RGMA: variants seen among roughly 807,000 people sequenced by gnomAD.
RGMA encodes repulsive guidance molecule A.
RGMA carries 10 observed loss-of-function variants against 23.2 expected under a neutral mutation model. The observed-to-expected ratio is 0.43, with a 90% CI of 0.27 to 0.73. RGMA has a LOEUF of 0.73. RGMA is among the 30% of genes least tolerant of loss of function. RGMA has a pLI of 0.20. For synonymous variants in RGMA, 308 were observed against 279.3 expected (o/e 1.10, Z -1.03); for missense variants, 547 against 630.5 (o/e 0.87, Z 1.42).
At chr15:93,068,072 G>A (rs1895213789) in intron 2 of RGMA, among the ~76,000 whole-genome samples, 2 of 152,126 alleles carry the variant, frequency 1.3e-5, no homozygotes, top group African/African-American at 4.8e-5. Flanking sequence ...GGGGACAGGA[G>A]AGGATAAAAC....
chr15:93,051,294 C>A (rs779099929), intron 3 of RGMA, among the ~76,000 whole-genome samples: 1 of 152,216 alleles, frequency 6.6e-6, no homozygotes, highest in Non-Finnish European at 1.5e-5. Flanking sequence ...GGCCTTCCAA[C>A]TGGCTCTTCC....
At chr15:93,047,766 C>A (rs931551810) in intron 3 of RGMA, among the ~76,000 whole-genome samples, 6 of 152,228 alleles carry the variant, frequency 3.9e-5, no homozygotes, top group Non-Finnish European at 8.8e-5. Context: ...CCTGCCGGCT[C>A]TCTGGGTAGA....
chr15:93,056,935 G>T, intron 2 of RGMA, among the ~76,000 whole-genome samples: 1 of 152,180 alleles, frequency 6.6e-6, no homozygotes, highest in Non-Finnish European at 1.5e-5. Context: ...GCCCCGGGAG[G>T]TCAGAGGTTA....
intron 2 of RGMA, among the ~76,000 whole-genome samples, chr15:93,065,399 GAA>G (rs113680569): frequency 3.3e-4 from 43 of 131,132 alleles, no homozygotes; most frequent in Middle Eastern, 3.7e-3. Flanking sequence ...GATAAGGGAA[GAA>G]AAAAAAAAAA....
At position 93,045,286 on chromosome 15, in the gene RGMA, G is replaced by T; in HGVS notation, c.1065C>A (p.Phe355Leu). ...ACTTGGCCACGGCTGTCTCGTATGG[G>T]AAGGTCTCGGGGGCTGTGGGTGCAG... Reference protein sequence around the residue: ...ASPAPTAPETFPYETAVAKCK... With the variant: ...ASPAPTAPETLPYETAVAKCK... The change falls in exon 4 of 4, where the codon TTC (phenylalanine) becomes TTA (leucine). Residue 355 changes from phenylalanine to leucine, a missense_variant. By Grantham distance (22) the Phe-to-Leu change is conservative (BLOSUM62 0). Transcript: ENST00000329082. This position sits in a 1 kb window ranked among gnomAD's most constrained non-coding sequence, Gnocchi z 6.9. 1 of 1,613,050 alleles carries T rather than the reference G, an allele frequency of 6.2e-7. No individual in the cohort carries two copies. The highest frequency in any genetic ancestry group is 8.5e-7 in the Non-Finnish European group (1 of 1,179,808).
intron 3 of RGMA, among the ~76,000 whole-genome samples, chr15:93,048,840 T>TG (rs1481161164): frequency 2.3e-5 from 2 of 85,772 alleles, no homozygotes; most frequent in Non-Finnish European, 4.3e-5. Flanking sequence ...GGTCCTGCCA[T>TG]GGGGGGAGGA....
intron 1 of RGMA, among the ~76,000 whole-genome samples, chr15:93,087,956 G>A (rs1307475576): frequency 2.0e-5 from 3 of 152,100 alleles, no homozygotes; most frequent in Non-Finnish European, 4.4e-5. Flanking sequence ...CCTTGTGCGG[G>A]AGACTACTTT....
chr15:93,057,149 A>G (rs770034901), intron 2 of RGMA, among the ~76,000 whole-genome samples: 12 of 152,172 alleles, frequency 7.9e-5, no homozygotes, highest in Non-Finnish European at 1.0e-4. Context: ...ACTGTCCAGG[A>G]TCAGTCAATG....
At chr15:93,061,865 G>A (rs531262428) in intron 2 of RGMA, among the ~76,000 whole-genome samples, 41 of 152,262 alleles carry the variant, frequency 2.7e-4, no homozygotes, top group Non-Finnish European at 4.7e-4. Context: ...TAACAACGAA[G>A]CCCAATAAGA....
At chr15:93,088,242 C>T in intron 1 of RGMA, 4 of 932,872 alleles carry the variant, frequency 4.3e-6, no homozygotes, top group Non-Finnish European at 5.1e-6. Flanking sequence ...CACCCGCCCT[C>T]CCATTGAATA....
chr15:93,045,640 G>A lies in RGMA; in HGVS notation c.711C>T (p.Asp237=), dbSNP rs112623341. The stretch of plus-strand genomic sequence containing the variant: ...CATCCACGAAGGCGGCCGGGAGCTC[G>A]TCCATCTCAGCCTGGTACACCTTCT... The part of the protein sequence containing the change: ...VDQKVYQAEM[D]ELPAAFVDGS... Residue 237 remains aspartate, a synonymous_variant, in exon 4 of 4, where the codon GAC becomes GAT. Transcript: ENST00000329082. This position sits in a 1 kb window ranked among gnomAD's most constrained non-coding sequence, Gnocchi z 6.9. 194 of 1,611,320 alleles carry A rather than the reference G, an allele frequency of 1.2e-4. No individual in the cohort carries two copies. In the African/African-American group the frequency reaches 1.4e-3, roughly 12 times the overall value.
intron 3 of RGMA, among the ~76,000 whole-genome samples, chr15:93,046,442 A>G (rs2054826002): frequency 6.6e-6 from 1 of 152,138 alleles, no homozygotes; most frequent in African/African-American, 2.4e-5. Flanking sequence ...GGCCTCCACA[A>G]TTATAAAACA....
At chr15:93,084,625 G>A (rs1331292499) in intron 1 of RGMA, among the ~76,000 whole-genome samples, 1 of 151,898 alleles carries the variant, frequency 6.6e-6, no homozygotes, top group African/African-American at 2.4e-5. Context: ...GTCATGTGCC[G>A]CCACACCCGG....
chr15:93,086,615 C>G (rs1436364872), intron 1 of RGMA, among the ~76,000 whole-genome samples: 1 of 152,182 alleles, frequency 6.6e-6, no homozygotes, highest in Admixed American at 6.5e-5. Context: ...AAAATACCAG[C>G]ACCCATTCCT....
At chr15:93,080,568 C>G (rs1895543019) in intron 1 of RGMA, among the ~76,000 whole-genome samples, 1 of 152,152 alleles carries the variant, frequency 6.6e-6, no homozygotes, top group African/African-American at 2.4e-5. Flanking sequence ...TTCGTTTTCT[C>G]TCTGCCTCTA....
chr15:93,052,756 G>A (rs1166748346), intron 2 of RGMA, among the ~76,000 whole-genome samples: 1 of 152,140 alleles, frequency 6.6e-6, no homozygotes, highest in Non-Finnish European at 1.5e-5. Context: ...TCCTCCCACA[G>A]CGCCAGCCTG....
In RGMA at chr15:93,045,196, C is replaced by G; in HGVS notation, c.1155G>C (p.Thr385=). Residue 385 remains threonine, a synonymous_variant, in exon 4 of 4, where the codon ACG becomes ACC. Coordinates refer to ENST00000329082, the MANE Select transcript of RGMA (RefSeq NM_020211.3). This position sits in a 1 kb window ranked among gnomAD's most constrained non-coding sequence, Gnocchi z 6.9. ...CGGCCAGTGTGAAGTTCACGTCGCC[C>G]GTGGTGAGGAGGTCGAAGACGCAGG... ...YQACVFDLLT[T]GDVNFTLAAY... 1 of 1,610,628 alleles carries G rather than the reference C, an allele frequency of 6.2e-7. No individual in the cohort carries two copies. The highest frequency in any genetic ancestry group is 8.5e-7 in the Non-Finnish European group (1 of 1,178,570).
At chr15:93,066,797 G>C (rs945133780) in intron 2 of RGMA, among the ~76,000 whole-genome samples, 1 of 152,174 alleles carries the variant, frequency 6.6e-6, no homozygotes, top group African/African-American at 2.4e-5. Context: ...ACAGGTGTGA[G>C]CCACCGAGCC....
At chr15:93,065,953 G>A in intron 2 of RGMA, 2 of 845,748 alleles carry the variant, frequency 2.4e-6, no homozygotes, top group Non-Finnish European at 3.8e-6. Flanking sequence ...GTAGAAGAAG[G>A]GTGGGGGGCG....
Sources: allele counts gnomAD v4.1 joint callset (sites outside exome capture counted in the v4.1 genomes callset), GRCh38; gene constraint gnomAD v4.1.1; non-coding constraint Gnocchi (gnomAD v3.1); transcripts MANE v1.5; gene names NCBI Gene and HGNC (gene_info 2026-07-23, HGNC 2026-07-21).